Variants in CNTNAP2 observed in about 807,000 individuals in gnomAD.
The protein encoded by CNTNAP2 is contactin-associated protein-like 2.
A neutral mutation model predicts 155.2 loss-of-function variants in CNTNAP2; 98 were observed. That is an observed-to-expected ratio of 0.63 (90% confidence interval 0.54 to 0.75). The LOEUF (loss-of-function observed/expected upper bound fraction) is 0.75, where lower values mean the gene tolerates loss of function less well. Among genes scored for constraint, CNTNAP2 ranks in the 30% least tolerant of loss-of-function variants. The pLI is 0.00. For missense variants in CNTNAP2, 1,727 were observed against 1,688.1 expected (o/e 1.02, Z -0.40); for synonymous variants, 651 against 631.2 (o/e 1.03, Z -0.47).
chr7:146,479,194 C>G (rs765993669), intron 1 of CNTNAP2, among the ~76,000 whole-genome samples: 1 of 152,164 alleles, frequency 6.6e-6, no homozygotes, highest in African/African-American at 2.4e-5. Flanking sequence ...CAGGATGTTA[C>G]TCATCATTGC....
chr7:147,027,634 T>C (rs1283281199), intron 3 of CNTNAP2, among the ~76,000 whole-genome samples: 1 of 152,218 alleles, frequency 6.6e-6, no homozygotes, highest in Non-Finnish European at 1.5e-5. Context: ...TTAAAAAGAT[T>C]TCCCTTTTGG....
intron 12 of CNTNAP2, among the ~76,000 whole-genome samples, chr7:147,565,884 G>C (rs1242901422): frequency 6.6e-6 from 1 of 152,110 alleles, no homozygotes; most frequent in Non-Finnish European, 1.5e-5. Flanking sequence ...GATTGGGTTA[G>C]AGATATAAAT....
intron 21 of CNTNAP2, chr7:148,381,506 G>A (rs564836075): frequency 2.0e-5 from 3 of 152,344 alleles, no homozygotes; most frequent in Admixed American, 2.0e-4. Context: ...GATGTTACGT[G>A]TCAAGCTGTC....
intron 1 of CNTNAP2, among the ~76,000 whole-genome samples, chr7:146,663,492 A>G (rs1273752191): frequency 6.6e-6 from 1 of 152,072 alleles, no homozygotes; most frequent in African/African-American, 2.4e-5. Flanking sequence ...ACAATCTAAC[A>G]ATATTGAGTC....
At chr7:147,829,762 GTCC>G (rs1286439524) in intron 13 of CNTNAP2, among the ~76,000 whole-genome samples, 1 of 152,044 alleles carries the variant, frequency 6.6e-6, no homozygotes, top group Non-Finnish European at 1.5e-5. Flanking sequence ...ATATCCTAAG[GTCC>G]TTTCCACAGT....
rs775454345 is a variant in CNTNAP2, at chr7:146,771,202, C to G, written c.98-3069C>G. ...AGCATACTATAAATTTACATTTTTTCGTTGGCATGTTTCTTCCCACAAAAA... is the reference window on the plus strand; with the variant it reads ...AGCATACTATAAATTTACATTTTTTGGTTGGCATGTTTCTTCCCACAAAAA... On this transcript the variant is annotated intron_variant, in intron 1 of 23. Transcript: ENST00000361727. 6.8e-4 allele frequency among the ~76,000 whole-genome samples: 103 copies of G among 151,962 alleles called. 1 individual carries two copies. The highest frequency in any genetic ancestry group is 2.4e-4 in the Non-Finnish European group (16 of 67,950).
intron 17 of CNTNAP2, among the ~76,000 whole-genome samples, chr7:148,155,568 G>A (rs1805384702): frequency 6.6e-6 from 1 of 152,172 alleles, no homozygotes; most frequent in Admixed American, 6.5e-5. Context: ...CTCCCGTGGA[G>A]GGGAGACAGG....
At chr7:147,801,309 G>T (rs1563093861) in intron 13 of CNTNAP2, among the ~76,000 whole-genome samples, 7 of 130,372 alleles carry the variant, frequency 5.4e-5, no homozygotes, top group South Asian at 5.0e-4. Flanking sequence ...CTTCTATGAA[G>T]TTTTTTTTTT....
At chr7:147,445,191 T>G (rs941722555) in intron 10 of CNTNAP2, among the ~76,000 whole-genome samples, 1 of 152,216 alleles carries the variant, frequency 6.6e-6, no homozygotes, top group Non-Finnish European at 1.5e-5. Flanking sequence ...TAACCTGATC[T>G]GTCCTCTCAG....
intron 20 of CNTNAP2, among the ~76,000 whole-genome samples, chr7:148,263,617 G>T (rs565206140): frequency 5.8e-4 from 88 of 151,906 alleles, no homozygotes; most frequent in Non-Finnish European, 1.0e-3. Context: ...GGCGCCTGGA[G>T]TCCCAGCTAC....
At chr7:147,375,016 A>G (rs1796411460) in intron 9 of CNTNAP2, among the ~76,000 whole-genome samples, 1 of 151,954 alleles carries the variant, frequency 6.6e-6, no homozygotes, top group Non-Finnish European at 1.5e-5. Context: ...TTCTCATGAT[A>G]GTGAGTTCTC....
intron 3 of CNTNAP2, among the ~76,000 whole-genome samples, chr7:146,943,789 G>C (rs894575913): frequency 2.0e-5 from 3 of 152,070 alleles, no homozygotes; most frequent in Non-Finnish European, 2.9e-5. Context: ...AAAATGATAA[G>C]AACTACAGGA....
At chr7:147,583,995 G>C (rs1202104965) in intron 12 of CNTNAP2, among the ~76,000 whole-genome samples, 2 of 152,078 alleles carry the variant, frequency 1.3e-5, no homozygotes, top group Admixed American at 6.6e-5. Flanking sequence ...GGAGACAATA[G>C]AGGCTCAACC....
At chr7:147,065,786 G>A (rs989008577) in intron 4 of CNTNAP2, among the ~76,000 whole-genome samples, 9 of 151,904 alleles carry the variant, frequency 5.9e-5, no homozygotes, top group African/African-American at 1.2e-4. Flanking sequence ...AAGCTAATAG[G>A]CATTTTTAAG....
Position 146,472,098 on chromosome 7 carries a change from A to T in CNTNAP2, c.98-302173A>T, listed in dbSNP as rs77688672. Among the ~76,000 whole-genome samples the T allele has an allele frequency of 7.9e-3, 1,203 of 152,340 alleles. 5 individuals are homozygous for T. Among genetic ancestry groups the T allele is most frequent in the Middle Eastern group, 0.014 (4 of 294 alleles). ...AATTTAACTTTCCTACATTATCGTC[A>T]TTCTGCAAATGCACCGTTACATAGG... On this transcript the variant is annotated intron_variant, in intron 1 of 23. Coordinates refer to ENST00000361727, the MANE Select transcript of CNTNAP2 (RefSeq NM_014141.6).
chr7:147,456,376 G>A (rs1004271191), intron 10 of CNTNAP2, among the ~76,000 whole-genome samples: 5 of 152,120 alleles, frequency 3.3e-5, no homozygotes, highest in African/African-American at 1.2e-4. Context: ...TATAGAAAGA[G>A]AGAATTTAAG....
intron 20 of CNTNAP2, among the ~76,000 whole-genome samples, chr7:148,257,011 G>A (rs1297743634): frequency 2.0e-5 from 3 of 152,144 alleles, no homozygotes; most frequent in South Asian, 2.1e-4. Context: ...TATTGTATTT[G>A]GTGAAAGGAC....
At chr7:148,300,379 T>C (rs1349185959) in intron 21 of CNTNAP2, among the ~76,000 whole-genome samples, 1 of 152,230 alleles carries the variant, frequency 6.6e-6, no homozygotes, top group African/African-American at 2.4e-5. Flanking sequence ...TTCATACTCG[T>C]TATATGTTAT....
intron 1 of CNTNAP2, among the ~76,000 whole-genome samples, chr7:146,628,640 AAAAAG>A (rs913418520): frequency 6.6e-6 from 1 of 152,122 alleles, no homozygotes; most frequent in African/African-American, 2.4e-5. Flanking sequence ...AAAAAAATGA[AAAAAG>A]AAAACTATGA....
Sources: gnomAD v4.1 joint callset for allele counts (sites outside exome capture counted in the v4.1 genomes callset) on GRCh38, gnomAD v4.1.1 for gene constraint, MANE v1.5 for transcripts, NCBI Gene and HGNC (gene_info 2026-07-23, HGNC 2026-07-21) for gene names.